The following PCOLCE2 variants were observed in gnomAD, a reference collection of about 807,000 sequenced individuals.
PCOLCE2 encodes procollagen C-endopeptidase enhancer 2, also known as procollagen C-proteinase enhancer 2.
In PCOLCE2, 42 loss-of-function variants were observed where a neutral mutation model predicts 47.0. The ratio of observed to expected loss-of-function variants is 0.89; its 90% CI spans 0.70 to 1.16. The LOEUF (loss-of-function observed/expected upper bound fraction) is 1.16. Ranked by LOEUF, PCOLCE2 falls within the 50% of genes most tolerant of loss-of-function variation. The probability of loss-of-function intolerance (pLI) is 0.00; values close to 1 mark genes in which losing one functional copy is unlikely to be tolerated. For synonymous variants in PCOLCE2, 169 were observed against 191.7 expected, an observed-to-expected ratio of 0.88 and a Z score of 0.98; for missense variants, 500 against 526.1, an observed-to-expected ratio of 0.95 and a Z score of 0.49.
At chr3:142,867,644 A>G (rs1212380566) in intron 2 of PCOLCE2, among the ~76,000 whole-genome samples, 1 of 151,346 alleles carries the variant, frequency 6.6e-6, no homozygotes, top group Non-Finnish European at 1.5e-5. Context: ...GGGAAATGAC[A>G]ACTAAAATCA....
At chr3:142,822,643 G>A (rs1281590291) in intron 7 of PCOLCE2, among the ~76,000 whole-genome samples, 1 of 152,166 alleles carries the variant, frequency 6.6e-6, no homozygotes, top group Non-Finnish European at 1.5e-5. Context: ...ACTGGATGTG[G>A]TAGCAATTAC....
In PCOLCE2 at chr3:142,838,759, G is replaced by A. The variant is rs755082651; in HGVS notation, c.710+11C>T. On this transcript the variant is annotated intron_variant, in intron 5 of 8. Transcript: ENST00000295992. ...ATAAAACTATTAAAGACATAAATAGGTGCTACTTACGCAGGTGGACTATCA... is the reference window on the plus strand; with the variant it reads ...ATAAAACTATTAAAGACATAAATAGATGCTACTTACGCAGGTGGACTATCA... 1.2e-6 allele frequency: 2 copies of A among 1,610,262 alleles called. No individual in the cohort carries two copies. Among genetic ancestry groups the A allele is most frequent in the African/African-American group, 1.3e-5 (1 of 74,798 alleles).
chr3:142,880,639 C>T (rs992934784), intron 2 of PCOLCE2, among the ~76,000 whole-genome samples: 1 of 152,164 alleles, frequency 6.6e-6, no homozygotes, highest in Non-Finnish European at 1.5e-5. Flanking sequence ...CTAGTTCCTT[C>T]AACTAAATAG....
intron 2 of PCOLCE2, among the ~76,000 whole-genome samples, chr3:142,849,046 G>C (rs1279684613): frequency 1.3e-5 from 2 of 151,970 alleles, no homozygotes; most frequent in Non-Finnish European, 2.9e-5. Flanking sequence ...CCAGCTACTC[G>C]GGAGGCTGAG....
At chr3:142,831,397 G>C (rs1224010295) in intron 5 of PCOLCE2, among the ~76,000 whole-genome samples, 3 of 152,158 alleles carry the variant, frequency 2.0e-5, no homozygotes, top group Non-Finnish European at 2.9e-5. Flanking sequence ...CAGCAAGAAG[G>C]CTCTCCCCAG....
chr3:142,874,452 C>T (rs1933459828), intron 2 of PCOLCE2, among the ~76,000 whole-genome samples: 1 of 152,218 alleles, frequency 6.6e-6, no homozygotes, highest in African/African-American at 2.4e-5. Flanking sequence ...CCTTCACCTT[C>T]CACCATGATT....
At position 142,848,436 on chromosome 3, in the gene PCOLCE2, A is replaced by G. The variant is rs1352091554; in HGVS notation, c.229T>C (p.Phe77Leu). Residue 77 changes from phenylalanine to leucine, a missense_variant, in exon 3 of 9, where the codon TTC becomes CTC. Phe to Leu is a conservative substitution (Grantham distance 22). Coordinates refer to ENST00000295992, the MANE Select transcript of PCOLCE2 (RefSeq NM_013363.4). ...EGKVVVLNFR[F>L]IDLESDNLCR... is the part of the protein sequence containing the mutation. ...AGGTTGTCACTCTCGAGGTCTATGA[A>G]TCGGAAATTGAGAACGACTACTTTT... 2.5e-6 allele frequency: 4 copies of G among 1,603,740 alleles called. No individual in the cohort carries two copies. The highest frequency in any genetic ancestry group is 3.4e-5 in the Admixed American group (2 of 59,546).
intron 5 of PCOLCE2, among the ~76,000 whole-genome samples, chr3:142,830,417 C>G (rs760977324): frequency 2.2e-4 from 33 of 152,204 alleles, no homozygotes; most frequent in Non-Finnish European, 8.8e-5. Flanking sequence ...GACTGATTAT[C>G]TTTTCTATCC....
chr3:142,888,759 C>A, intron 1 of PCOLCE2, 55 bp downstream of exon 1: 1 of 1,074,206 alleles, frequency 9.3e-7, no homozygotes, highest in Non-Finnish European at 1.3e-6. Context: ...GGCGAGGCTG[C>A]AGGGGTGGAG....
chr3:142,842,368 T>C lies in PCOLCE2; in HGVS notation c.573+556A>G, dbSNP rs778373083. Among the ~76,000 whole-genome samples the C allele has an allele frequency of 6.6e-6, 1 of 152,180 alleles. No individual in the cohort carries two copies. The highest frequency in any genetic ancestry group is 1.5e-5 in the Non-Finnish European group (1 of 68,026). On this transcript the variant is annotated intron_variant, in intron 4 of 8. Transcript: ENST00000295992. This position sits in a 1 kb window ranked among gnomAD's most constrained non-coding sequence, Gnocchi z 4.1. ...ATCCTATGTGAGATCTGCTTACCAT[T>C]TGTATTTTTAAAACTGTTTTGAAAA...
intron 5 of PCOLCE2, among the ~76,000 whole-genome samples, chr3:142,832,432 A>C (rs1352001010): frequency 2.0e-5 from 3 of 152,152 alleles, no homozygotes; most frequent in African/African-American, 7.2e-5. Context: ...CTGCAGAAAT[A>C]ACACACATCT....
At chr3:142,860,701 C>T (rs1933165684) in intron 2 of PCOLCE2, among the ~76,000 whole-genome samples, 1 of 152,252 alleles carries the variant, frequency 6.6e-6, no homozygotes, top group Non-Finnish European at 1.5e-5. Flanking sequence ...AGCCACCACT[C>T]CCGGCCCATG....
intron 2 of PCOLCE2, among the ~76,000 whole-genome samples, chr3:142,873,846 G>A (rs556936503): frequency 6.6e-6 from 1 of 152,264 alleles, no homozygotes; most frequent in East Asian, 1.9e-4. Context: ...ACATAGCAGG[G>A]GAGGACACAG....
chr3:142,835,087 C>G (rs980510780), intron 5 of PCOLCE2, among the ~76,000 whole-genome samples: 6 of 151,156 alleles, frequency 4.0e-5, no homozygotes, highest in Non-Finnish European at 4.4e-5. Context: ...TTAGACCAAG[C>G]CTGTTCATTG....
rs747826313 is a variant in PCOLCE2 at position 142,842,429 on chromosome 3, T to G, written c.573+495A>C. Among the ~76,000 whole-genome samples the G allele has an allele frequency of 2.6e-5, 4 of 152,042 alleles. No individual in the cohort carries two copies. Among genetic ancestry groups the G allele is most frequent in the Admixed American group, 2.0e-4 (3 of 15,236 alleles). On this transcript the variant is annotated intron_variant, in intron 4 of 8. Transcript: ENST00000295992. This position sits in a 1 kb window ranked among gnomAD's most constrained non-coding sequence, Gnocchi z 4.1. ...ATAGCAGGAAATTAAATCCATGAAT[T>G]TGCAACTCAAAAAAATGCAAAGGCT...
In PCOLCE2 at chr3:142,835,260, T is replaced by C. The variant is rs143261050; in HGVS notation, c.710+3510A>G. Among the ~76,000 whole-genome samples, 337 of 152,328 alleles carry C rather than the reference T, an allele frequency of 2.2e-3. 1 individual carries two copies. Among genetic ancestry groups the C allele is most frequent in the Non-Finnish European group, 3.7e-3 (249 of 68,018 alleles). ...AATTTTTTTGCTTCAAATAATCTTA[T>C]GTACAAGTTTACAAGTTTAAAATTT... is the stretch of plus-strand genomic sequence containing the variant. On this transcript the variant is annotated intron_variant, in intron 5 of 8. Coordinates refer to ENST00000295992, the MANE Select transcript of PCOLCE2 (RefSeq NM_013363.4).
chr3:142,870,069 A>T (rs928635113), intron 2 of PCOLCE2, among the ~76,000 whole-genome samples: 2 of 152,240 alleles, frequency 1.3e-5, no homozygotes, highest in Non-Finnish European at 2.9e-5. Context: ...GGATAATTTT[A>T]ACATATGTCA....
intron 2 of PCOLCE2, among the ~76,000 whole-genome samples, chr3:142,881,836 G>A (rs1933627923): frequency 6.6e-6 from 1 of 152,174 alleles, no homozygotes; most frequent in Non-Finnish European, 1.5e-5. Flanking sequence ...GGTAATACTT[G>A]AGTTACCTGG....
chr3:142,864,403 G>A (rs1042598437), intron 2 of PCOLCE2: 10 of 152,140 alleles, frequency 6.6e-5, no homozygotes, highest in Non-Finnish European at 2.9e-5. Context: ...ACAAGTTTCA[G>A]GCCAGGGTCC....
Sources: allele counts gnomAD v4.1 joint callset (sites outside exome capture counted in the v4.1 genomes callset), GRCh38; gene constraint gnomAD v4.1.1; non-coding constraint Gnocchi (gnomAD v3.1); transcripts MANE v1.5; gene names NCBI Gene and HGNC (gene_info 2026-07-23, HGNC 2026-07-21).